Variants in GAS7 observed in about 807,000 individuals in gnomAD.
GAS7 encodes the protein growth arrest specific 7.
A neutral mutation model predicts 71.1 loss-of-function variants in GAS7; 28 were observed. The observed-to-expected ratio is 0.39, with a 90% CI of 0.29 to 0.54. GAS7 has a LOEUF of 0.54. Among genes scored for constraint, GAS7 ranks in the 20% least tolerant of loss-of-function variants. GAS7 has a pLI of 0.62. For synonymous variants in GAS7, 258 were observed against 245.8 expected (o/e 1.05, Z -0.46); for missense variants, 436 against 627.8 (o/e 0.69, Z 3.27).
rs531506442 is a variant in GAS7 at position 10,051,282 on chromosome 17, C to T, written c.184-31385G>A. On this transcript the variant is annotated intron_variant, in intron 1 of 13. Coordinates refer to ENST00000432992, the MANE Select transcript of GAS7 (RefSeq NM_201433.2). ...AAAAGCCATCAACTGAGGTCACCAACGCTGAGTCACTCATGTTGCCCGGAC... is the reference window on the plus strand; with the variant it reads ...AAAAGCCATCAACTGAGGTCACCAATGCTGAGTCACTCATGTTGCCCGGAC... Among the ~76,000 whole-genome samples, 21 of 152,312 alleles carry T rather than the reference C, an allele frequency of 1.4e-4. No homozygotes were observed. In the South Asian group the frequency reaches 3.1e-3, roughly 23 times the overall value.
intron 1 of GAS7, among the ~76,000 whole-genome samples, chr17:10,145,224 C>T (rs928199155): frequency 6.6e-5 from 10 of 152,228 alleles, no homozygotes; most frequent in East Asian, 5.8e-4. Flanking sequence ...GGAAAAGAAC[C>T]GCAGAGACGC....
At chr17:10,147,467 C>T (rs1313680410) in intron 1 of GAS7, among the ~76,000 whole-genome samples, 1 of 152,152 alleles carries the variant, frequency 6.6e-6, no homozygotes, top group Non-Finnish European at 1.5e-5. Flanking sequence ...AAGGAAACAT[C>T]CTCAAAGTTT....
intron 1 of GAS7, among the ~76,000 whole-genome samples, chr17:10,091,107 T>C (rs1008310723): frequency 6.6e-6 from 1 of 152,130 alleles, no homozygotes; most frequent in Admixed American, 6.6e-5. Context: ...CTGCTTTTAT[T>C]GTGGCCATGT....
chr17:9,933,668 A>C (rs957354896), intron 9 of GAS7, among the ~76,000 whole-genome samples: 1 of 151,918 alleles, frequency 6.6e-6, no homozygotes, highest in Non-Finnish European at 1.5e-5. Context: ...AAATAGCGAG[A>C]CCCCATCTCT....
chr17:10,177,212 C>A (rs1294567907), intron 1 of GAS7, among the ~76,000 whole-genome samples: 1 of 152,138 alleles, frequency 6.6e-6, no homozygotes, highest in Non-Finnish European at 1.5e-5. Flanking sequence ...TGGGCTGGAT[C>A]TTGATAAAAG....
At chr17:10,137,809 G>A (rs1050917425) in intron 1 of GAS7, among the ~76,000 whole-genome samples, 14 of 152,006 alleles carry the variant, frequency 9.2e-5, no homozygotes, top group Admixed American at 2.0e-4. Flanking sequence ...CCAAAGTGCT[G>A]GGATTACAAG....
intron 2 of GAS7, among the ~76,000 whole-genome samples, chr17:10,012,562 C>T (rs2071817545): frequency 6.6e-6 from 1 of 152,196 alleles, no homozygotes. Context: ...TGCTGGATTA[C>T]AGGTGAGAGC....
intron 9 of GAS7, among the ~76,000 whole-genome samples, chr17:9,929,641 A>T (rs1182998653): frequency 1.3e-5 from 2 of 150,750 alleles, no homozygotes; most frequent in African/African-American, 2.4e-5. Context: ...AACCTGGCTA[A>T]TTTTTTTTTG....
intron 11 of GAS7, among the ~76,000 whole-genome samples, chr17:9,923,259 A>G (rs2152071542): frequency 6.6e-6 from 1 of 151,538 alleles, no homozygotes; most frequent in East Asian, 1.9e-4. Flanking sequence ...AAAAAAAAAA[A>G]GTAAGAAAAA....
At position 9,944,639 on chromosome 17, in the gene GAS7, G is replaced by A. The variant is rs532952802; in HGVS notation, c.616-1403C>T. Among the ~76,000 whole-genome samples, 13 of 152,296 alleles carry A rather than the reference G, an allele frequency of 8.5e-5. No homozygotes were observed. The East Asian group carries it at 2.3e-3, about 27-fold the overall frequency. Reference sequence around the variant, plus strand: ...CCCCGGTGTGGGACCCCTCCCTCGGGTGCCATAACTCAAAGGCCTCCGGCC... The same window carrying A: ...CCCCGGTGTGGGACCCCTCCCTCGGATGCCATAACTCAAAGGCCTCCGGCC... On this transcript the variant is annotated intron_variant, in intron 6 of 13. Transcript: ENST00000432992.
At chr17:10,068,179 A>ATT (rs2073302499) in intron 1 of GAS7, among the ~76,000 whole-genome samples, 1 of 152,196 alleles carries the variant, frequency 6.6e-6, no homozygotes, top group Non-Finnish European at 1.5e-5. Context: ...CCAAAGAGGG[A>ATT]CAGGCACCCC....
chr17:10,135,295 G>C (rs2074029597), intron 1 of GAS7, among the ~76,000 whole-genome samples: 1 of 152,198 alleles, frequency 6.6e-6, no homozygotes, highest in Non-Finnish European at 1.5e-5. Context: ...TGGTGGGTGT[G>C]TGTTTTGGAA....
chr17:10,093,571 AAAGCTG>A (rs2073609303), intron 1 of GAS7, among the ~76,000 whole-genome samples: 1 of 151,406 alleles, frequency 6.6e-6, no homozygotes, highest in Non-Finnish European at 1.5e-5. Flanking sequence ...AAAAAAAAAA[AAAGCTG>A]AAAAGCTTGC....
intron 1 of GAS7, among the ~76,000 whole-genome samples, chr17:10,096,052 T>C (rs956191046): frequency 1.3e-5 from 2 of 152,106 alleles, no homozygotes; most frequent in African/African-American, 4.8e-5. Flanking sequence ...CTTGCCAGGT[T>C]CATCTGCTCC....
At chr17:9,966,542 G>A (rs1208307956) in intron 4 of GAS7, among the ~76,000 whole-genome samples, 1 of 152,204 alleles carries the variant, frequency 6.6e-6, no homozygotes, top group African/African-American at 2.4e-5. Context: ...CAGCAGGGAT[G>A]GTGAATCTAC....
intron 4 of GAS7, among the ~76,000 whole-genome samples, chr17:9,961,454 G>C (rs193143012): frequency 1.3e-5 from 2 of 152,320 alleles, no homozygotes; most frequent in African/African-American, 4.8e-5. Context: ...GGATTCTGCA[G>C]TCTGCAGGAG....
At chr17:10,173,206 C>A (rs2074348169) in intron 1 of GAS7, among the ~76,000 whole-genome samples, 1 of 152,090 alleles carries the variant, frequency 6.6e-6, no homozygotes, top group Admixed American at 6.5e-5. Flanking sequence ...GGAGTGGCTG[C>A]TTAATGAGTA....
intron 1 of GAS7, among the ~76,000 whole-genome samples, chr17:10,089,857 A>G (rs1410142601): frequency 6.6e-6 from 1 of 152,224 alleles, no homozygotes; most frequent in Non-Finnish European, 1.5e-5. Context: ...CAGGAGAACT[A>G]AAAGCAAACC....
In GAS7 at chr17:9,969,240, C is replaced by T. The variant is rs2069852956; in HGVS notation, c.471+437G>A. Among the ~76,000 whole-genome samples the T allele has an allele frequency of 1.3e-5, 2 of 152,220 alleles. No individual in the cohort carries two copies. The highest frequency in any genetic ancestry group is 4.8e-5 in the African/African-American group (2 of 41,452). On this transcript the variant is annotated intron_variant, in intron 4 of 13. Coordinates refer to ENST00000432992, the MANE Select transcript of GAS7 (RefSeq NM_201433.2). This position sits in a 1 kb window ranked among gnomAD's most constrained non-coding sequence, Gnocchi z 5.5. ...TCCCATTTCCTTCCATCTCATAGCT[C>T]TCTCTATGCTACTTTATCAAATGAG...
Sources: gnomAD v4.1 joint callset for allele counts (sites outside exome capture counted in the v4.1 genomes callset) on GRCh38, gnomAD v4.1.1 for gene constraint, Gnocchi (gnomAD v3.1) non-coding constraint, MANE v1.5 for transcripts, NCBI Gene and HGNC (gene_info 2026-07-23, HGNC 2026-07-21) for gene names.